The following ETV1 variants were observed in gnomAD, a reference collection of about 807,000 sequenced individuals.
The protein encoded by ETV1 is ETS variant transcription factor 1.
A neutral mutation model predicts 62.3 loss-of-function variants in ETV1; 27 were observed. The ratio of observed to expected loss-of-function variants is 0.43; its 90% CI spans 0.32 to 0.60. The LOEUF (loss-of-function observed/expected upper bound fraction) is 0.60, where lower values mean the gene tolerates loss of function less well. ETV1 is among the 20% of genes least tolerant of loss of function. ETV1 has a pLI of 0.06. For synonymous variants in ETV1, 222 were observed against 199.6 expected, an observed-to-expected ratio of 1.11 and a Z score of -0.94; for missense variants, 605 against 605.8, an observed-to-expected ratio of 1.00 and a Z score of 0.01.
At chr7:13,918,181 CT>C (rs149352456) in intron 9 of ETV1, among the ~76,000 whole-genome samples, 7,403 of 152,140 alleles carry the variant, frequency 0.049, 205 homozygotes, top group African/African-American at 0.086. Flanking sequence ...ATTCAGATAA[CT>C]TTTTCTATTT....
At chr7:13,970,024 A>G (rs1468361318) in intron 6 of ETV1, among the ~76,000 whole-genome samples, 2 of 152,024 alleles carry the variant, frequency 1.3e-5, no homozygotes, top group East Asian at 3.9e-4. Flanking sequence ...TGGGAGGCCG[A>G]GGCAGGAGAA....
At chr7:13,933,482 T>C (rs910852299) in intron 8 of ETV1, among the ~76,000 whole-genome samples, 3 of 152,186 alleles carry the variant, frequency 2.0e-5, no homozygotes, top group African/African-American at 7.2e-5. Flanking sequence ...ACAGGGCTCC[T>C]GCACAGTGGG....
intron 5 of ETV1, among the ~76,000 whole-genome samples, chr7:13,985,071 A>G (rs1394146521): frequency 6.6e-6 from 1 of 152,070 alleles, no homozygotes; most frequent in Non-Finnish European, 1.5e-5. Context: ...AGATTTAAAC[A>G]TCTAAGAACC....
intron 5 of ETV1, among the ~76,000 whole-genome samples, chr7:13,980,362 T>C (rs1343319286): frequency 6.6e-6 from 1 of 152,132 alleles, no homozygotes; most frequent in Non-Finnish European, 1.5e-5. Flanking sequence ...TTCAGGGGAA[T>C]ACTGTGAAGG....
intron 6 of ETV1, among the ~76,000 whole-genome samples, chr7:13,950,578 G>A (rs1218925212): frequency 1.4e-4 from 21 of 152,240 alleles, no homozygotes; most frequent in East Asian, 7.7e-4. Context: ...AGCCTCATAA[G>A]GCAGCTGTTT....
chr7:13,969,173 G>A (rs979089369), intron 6 of ETV1, among the ~76,000 whole-genome samples: 2 of 152,096 alleles, frequency 1.3e-5, no homozygotes, highest in African/African-American at 4.8e-5. Flanking sequence ...GCATTGGGAA[G>A]TTCCTTCTAA....
intron 6 of ETV1, among the ~76,000 whole-genome samples, chr7:13,964,849 T>C (rs1363319954): frequency 6.6e-6 from 1 of 152,188 alleles, no homozygotes; most frequent in African/African-American, 2.4e-5. Flanking sequence ...GCTAAGGGTG[T>C]ACAATCTTTC....
chr7:13,988,544 TCCTCC>T, intron 3 of ETV1: 1 of 437,782 alleles, frequency 2.3e-6, no homozygotes, highest in Non-Finnish European at 3.7e-6. Context: ...GGACAGCCCC[TCCTCC>T]CCACCCCACC....
intron 6 of ETV1, among the ~76,000 whole-genome samples, chr7:13,942,274 C>T (rs933219376): frequency 5.3e-5 from 8 of 152,098 alleles, no homozygotes; most frequent in Non-Finnish European, 7.4e-5. Flanking sequence ...CCGCCTGCCT[C>T]GGCCTCCCAA....
chr7:13,912,781 A>G (rs1172307410), intron 9 of ETV1, among the ~76,000 whole-genome samples: 1 of 152,186 alleles, frequency 6.6e-6, no homozygotes, highest in Non-Finnish European at 1.5e-5. Flanking sequence ...CTGAAAAAAT[A>G]TGGCTAAGGG....
chr7:13,912,760 T>C (rs1301987047), intron 9 of ETV1, among the ~76,000 whole-genome samples: 4 of 152,136 alleles, frequency 2.6e-5, no homozygotes, highest in African/African-American at 9.7e-5. Context: ...CTTTATACAG[T>C]CCAGAGAAGC....
At chr7:13,961,854 A>G (rs116659255) in intron 6 of ETV1, among the ~76,000 whole-genome samples, 1,594 of 152,266 alleles carry the variant, frequency 0.01, 36 homozygotes, top group African/African-American at 0.037. Context: ...AGTTTCTTCT[A>G]ACAGTATCAT....
At chr7:13,921,263 A>G (rs1320416955) in intron 9 of ETV1, among the ~76,000 whole-genome samples, 2 of 152,192 alleles carry the variant, frequency 1.3e-5, no homozygotes, top group African/African-American at 2.4e-5. Flanking sequence ...ATCAAGCACA[A>G]AAGGCCAAAG....
At chr7:13,976,452 C>T in intron 6 of ETV1, among the ~76,000 whole-genome samples, 1 of 152,130 alleles carries the variant, frequency 6.6e-6, no homozygotes, top group East Asian at 1.9e-4. Flanking sequence ...TGGACAAAAC[C>T]TTGCACAACC....
In ETV1 at chr7:13,935,889, C is replaced by T. The variant is rs780320230; in HGVS notation, c.373G>A (p.Asp125Asn). 4.3e-6 allele frequency: 7 copies of T among 1,612,516 alleles called. No individual in the cohort carries two copies. The South Asian group carries it at 7.7e-5, about 18-fold the overall frequency. Reference sequence around the variant, plus strand: ...CTCATTCCCACTTGTGGCTTCTGATCATAGGCACTACCCAGGGGACAAAAG... The same window carrying T: ...CTCATTCCCACTTGTGGCTTCTGATTATAGGCACTACCCAGGGGACAAAAG... Reference protein sequence around the residue: ...EKCLYNVSAYDQKPQVGMRPS... With the variant: ...EKCLYNVSAYNQKPQVGMRPS... Residue 125 changes from aspartate to asparagine, a missense_variant, in exon 8 of 14, where the codon GAT becomes AAT. Asp to Asn is a conservative substitution (Grantham distance 23, BLOSUM62 1). Around this residue, in one of 3 missense-constraint regions of ETV1, gnomAD observed 426 missense variants for 377.8 expected, o/e 1.13. Transcript: ENST00000430479.
intron 6 of ETV1, among the ~76,000 whole-genome samples, chr7:13,951,775 C>T (rs922425152): frequency 2.6e-5 from 4 of 152,132 alleles, no homozygotes; most frequent in African/African-American, 9.7e-5. Flanking sequence ...AAGTCACAAA[C>T]CCCACAGAAC....
Position 13,906,483 on chromosome 7 carries a change from A to C in ETV1, c.1057T>G (p.Phe353Val). Reference sequence around the variant, plus strand: ...ATGCCTCGACCAGTCCAGGCAATAAAATGAGAATTTGAAGGGTCATCCAGA... The same window carrying C: ...ATGCCTCGACCAGTCCAGGCAATAACATGAGAATTTGAAGGGTCATCCAGA... ...ALLDDPSNSH[F>V]IAWTGRGMEF... is the part of the protein sequence containing the mutation. Residue 353 changes from phenylalanine to valine, a missense_variant, in exon 12 of 14, where the codon TTT (phenylalanine) becomes GTT (valine). Transcript: ENST00000430479. 1 of 1,610,792 alleles carries C rather than the reference A, an allele frequency of 6.2e-7. No homozygotes were observed. Among genetic ancestry groups the C allele is most frequent in the Non-Finnish European group, 8.5e-7 (1 of 1,178,460 alleles).
chr7:13,959,870 G>C (rs1210077390), intron 6 of ETV1, among the ~76,000 whole-genome samples: 1 of 115,154 alleles, frequency 8.7e-6, no homozygotes, highest in Non-Finnish European at 1.7e-5. Flanking sequence ...GCAACAGAGT[G>C]AGATTCTGTC....
At chr7:13,898,520 T>C (rs1782072652) in intron 13 of ETV1, among the ~76,000 whole-genome samples, 1 of 152,212 alleles carries the variant, frequency 6.6e-6, no homozygotes, top group Non-Finnish European at 1.5e-5. Context: ...GCATTGTCTG[T>C]AAGGTAAACA....
Sources: gnomAD v4.1 joint callset for allele counts (sites outside exome capture counted in the v4.1 genomes callset) on GRCh38, gnomAD v4.1.1 for gene constraint, gnomAD v4.1.1 regional missense constraint, MANE v1.5 for transcripts, NCBI Gene and HGNC (gene_info 2026-07-23, HGNC 2026-07-21) for gene names.